KCNH8: variants seen among roughly 807,000 people sequenced by gnomAD.
The protein encoded by KCNH8 is voltage-gated delayed rectifier potassium channel KCNH8.
In KCNH8, 70 loss-of-function variants were observed where a neutral mutation model predicts 103.6. That is an observed-to-expected ratio of 0.68 (90% CI 0.56 to 0.82). The LOEUF is 0.82. KCNH8 is among the 40% of genes least tolerant of loss of function. KCNH8 has a pLI of 0.00. For missense variants in KCNH8, 1,217 were observed against 1,329.9 expected, an observed-to-expected ratio of 0.92 and a Z score of 1.32; for synonymous variants, 498 against 489.4, an observed-to-expected ratio of 1.02 and a Z score of -0.23.
intron 11 of KCNH8, among the ~76,000 whole-genome samples, chr3:19,509,831 T>C (rs1001418713): frequency 1.3e-5 from 2 of 152,158 alleles, no homozygotes; most frequent in South Asian, 4.1e-4. Flanking sequence ...ACAGAAAGGA[T>C]AGCTCATGCC....
chr3:19,328,858 A>G (rs2065467060), intron 3 of KCNH8, among the ~76,000 whole-genome samples: 1 of 152,156 alleles, frequency 6.6e-6, no homozygotes, highest in Non-Finnish European at 1.5e-5. Context: ...TGGATACAAT[A>G]TGCAGGGACT....
At chr3:19,219,851 A>T (rs1274990393) in intron 1 of KCNH8, among the ~76,000 whole-genome samples, 1 of 152,210 alleles carries the variant, frequency 6.6e-6, no homozygotes, top group Admixed American at 6.5e-5. Flanking sequence ...CCTATTACTC[A>T]GGTCAAGAAC....
chr3:19,306,047 G>C (rs944934906), intron 3 of KCNH8, among the ~76,000 whole-genome samples: 2 of 152,066 alleles, frequency 1.3e-5, no homozygotes, highest in African/African-American at 2.4e-5. Flanking sequence ...TTTGTTTCTG[G>C]TGTGAAAGAA....
chr3:19,491,717 G>T (rs1462572985), intron 11 of KCNH8, among the ~76,000 whole-genome samples: 3 of 152,212 alleles, frequency 2.0e-5, no homozygotes, highest in African/African-American at 7.2e-5. Context: ...TAATGGAATT[G>T]CTGGGTCAAA....
intron 7 of KCNH8, among the ~76,000 whole-genome samples, chr3:19,421,242 G>A (rs1259581243): frequency 6.6e-6 from 1 of 151,938 alleles, no homozygotes; most frequent in Non-Finnish European, 1.5e-5. Context: ...GGTATAAACT[G>A]GATAATTTAA....
intron 1 of KCNH8, among the ~76,000 whole-genome samples, chr3:19,193,777 G>A (rs1439736665): frequency 6.6e-6 from 1 of 151,726 alleles, no homozygotes; most frequent in Admixed American, 6.6e-5. Flanking sequence ...TTTCATTGAA[G>A]AAATTTCTTT....
intron 3 of KCNH8, among the ~76,000 whole-genome samples, chr3:19,326,407 G>A (rs897430373): frequency 6.9e-6 from 1 of 144,522 alleles, no homozygotes; most frequent in Admixed American, 6.9e-5. Context: ...ATTTATTTTG[G>A]AGGTAATGGT....
intron 2 of KCNH8, 69 bp downstream of exon 2, chr3:19,253,956 C>A: frequency 9.7e-7 from 1 of 1,034,684 alleles, no homozygotes; most frequent in Non-Finnish European, 1.5e-6. Flanking sequence ...CTAGTAATTG[C>A]TCCGCAACTC....
intron 11 of KCNH8, among the ~76,000 whole-genome samples, chr3:19,504,429 C>T (rs1181908510): frequency 1.3e-5 from 2 of 151,378 alleles, no homozygotes; most frequent in Non-Finnish European, 2.9e-5. Flanking sequence ...GCAAACCTTG[C>T]ATCTAACAAA....
chr3:19,446,533 C>T (rs2067364868), intron 8 of KCNH8, among the ~76,000 whole-genome samples: 1 of 151,912 alleles, frequency 6.6e-6, no homozygotes, highest in Non-Finnish European at 1.5e-5. Context: ...TCTATTCTTT[C>T]TGCCATCTGC....
At chr3:19,477,371 G>A (rs1329824917) in intron 11 of KCNH8, among the ~76,000 whole-genome samples, 1 of 151,302 alleles carries the variant, frequency 6.6e-6, no homozygotes, top group Non-Finnish European at 1.5e-5. Context: ...TACTCTTGAT[G>A]CCAGACATTG....
At chr3:19,507,233 C>T (rs1462391702) in intron 11 of KCNH8, among the ~76,000 whole-genome samples, 1 of 152,174 alleles carries the variant, frequency 6.6e-6, no homozygotes, top group Non-Finnish European at 1.5e-5. Context: ...TAGACTGTTT[C>T]TTCCCTATAG....
At chr3:19,437,081 GATA>G (rs1263367141) in intron 7 of KCNH8, among the ~76,000 whole-genome samples, 3 of 152,114 alleles carry the variant, frequency 2.0e-5, no homozygotes, top group Non-Finnish European at 4.4e-5. Flanking sequence ...AGTTGATAAT[GATA>G]ATATTATTAC....
chr3:19,485,240 TTG>T (rs1373323852), intron 11 of KCNH8, among the ~76,000 whole-genome samples: 11 of 152,082 alleles, frequency 7.2e-5, no homozygotes, highest in Non-Finnish European at 1.3e-4. Context: ...CCTTTTTAGT[TTG>T]TGTTGGATCA....
chr3:19,329,747 G>T (rs2065479193), intron 3 of KCNH8, among the ~76,000 whole-genome samples: 1 of 152,082 alleles, frequency 6.6e-6, no homozygotes, highest in Admixed American at 6.5e-5. Flanking sequence ...AATTCCAGGA[G>T]AATAAAAGAA....
At chr3:19,404,724 C>A (rs1187790836) in intron 7 of KCNH8, among the ~76,000 whole-genome samples, 2 of 151,824 alleles carry the variant, frequency 1.3e-5, no homozygotes, top group Non-Finnish European at 2.9e-5. Flanking sequence ...ATAATGGGAG[C>A]AATGTGATCT....
rs779679664 is a variant in KCNH8 at position 19,148,599 on chromosome 3, C to G, written c.-121C>G. ...TTCCACTTCCCCTGCTCGGCCCCGC[C>G]GTCAGGCCGGGTCCCCCTTCCCTGC... On this transcript the variant is annotated 5_prime_UTR_variant, in exon 1 of 16. Coordinates refer to ENST00000328405, the MANE Select transcript of KCNH8 (RefSeq NM_144633.3). 1 of 921,460 alleles carries G rather than the reference C, an allele frequency of 1.1e-6. No individual in the cohort carries two copies. The highest frequency in any genetic ancestry group is 1.8e-6 in the Non-Finnish European group (1 of 555,552). The allele number at this position is 921,460 out of a possible 1,614,324, so 57.1% of individuals were successfully genotyped here. A position where few individuals can be genotyped will look rare whatever the true frequency, so the allele number is the denominator to read the frequency against.
chr3:19,408,496 C>G (rs1021837055), intron 7 of KCNH8, among the ~76,000 whole-genome samples: 74 of 152,096 alleles, frequency 4.9e-4, no homozygotes, highest in African/African-American at 1.8e-3. Context: ...CACTAGCTCC[C>G]CTGCAATGGT....
At chr3:19,153,911 C>T (rs997662378) in intron 1 of KCNH8, among the ~76,000 whole-genome samples, 6 of 152,088 alleles carry the variant, frequency 3.9e-5, no homozygotes, top group Admixed American at 6.5e-5. Context: ...GGATTACAGG[C>T]GTGAGCCACT....
Sources: gnomAD v4.1 joint callset for allele counts (sites outside exome capture counted in the v4.1 genomes callset) on GRCh38, gnomAD v4.1.1 for gene constraint, MANE v1.5 for transcripts, NCBI Gene and HGNC (gene_info 2026-07-23, HGNC 2026-07-21) for gene names.